L3MBTL4: variants seen among roughly 807,000 people sequenced by gnomAD.
L3MBTL4 encodes L3MBTL histone methyl-lysine binding protein 4.
A neutral mutation model predicts 84.5 loss-of-function variants in L3MBTL4; 70 were observed. The observed-to-expected ratio is 0.83, with a 90% CI of 0.68 to 1.01. The LOEUF is 1.01. Among genes scored for constraint, L3MBTL4 ranks in the 50% least tolerant of loss-of-function variants. The pLI is 0.00. For missense variants in L3MBTL4, 715 were observed against 754.8 expected (o/e 0.95, Z 0.62); for synonymous variants, 274 against 259.8 (o/e 1.05, Z -0.52).
At chr18:6,177,344 T>C (rs1392397081) in intron 12 of L3MBTL4, among the ~76,000 whole-genome samples, 1 of 152,202 alleles carries the variant, frequency 6.6e-6, no homozygotes, top group Admixed American at 6.5e-5. Context: ...AGACTTCATG[T>C]TGAGCAATGA....
At chr18:6,013,428 C>T (rs909281706) in intron 16 of L3MBTL4, among the ~76,000 whole-genome samples, 2 of 152,092 alleles carry the variant, frequency 1.3e-5, no homozygotes, top group Non-Finnish European at 2.9e-5. Flanking sequence ...CAGTTAAATA[C>T]TTCCTTCACT....
intron 1 of L3MBTL4, among the ~76,000 whole-genome samples, chr18:6,372,247 C>T (rs747240862): frequency 5.3e-5 from 8 of 152,186 alleles, no homozygotes; most frequent in Non-Finnish European, 1.0e-4. Context: ...GATGCAAATA[C>T]ACTGCATGCC....
At chr18:6,107,988 G>A (rs1309844281) in intron 14 of L3MBTL4, among the ~76,000 whole-genome samples, 3 of 152,140 alleles carry the variant, frequency 2.0e-5, no homozygotes, top group African/African-American at 4.8e-5. Flanking sequence ...CCCAAAAATC[G>A]CGTGCCATGC....
intron 1 of L3MBTL4, among the ~76,000 whole-genome samples, chr18:6,324,399 G>A (rs1018122568): frequency 2.6e-5 from 4 of 152,208 alleles, no homozygotes; most frequent in Non-Finnish European, 5.9e-5. Flanking sequence ...CGATGCTCCT[G>A]GAAAAGCTGC....
At chr18:6,162,905 G>A (rs924309425) in intron 13 of L3MBTL4, among the ~76,000 whole-genome samples, 16 of 152,212 alleles carry the variant, frequency 1.1e-4, no homozygotes, top group African/African-American at 3.1e-4. Context: ...AAGGTTTTGA[G>A]AGGAAAATGG....
chr18:6,215,450 C>T (rs573388977), intron 11 of L3MBTL4, among the ~76,000 whole-genome samples: 2 of 152,258 alleles, frequency 1.3e-5, no homozygotes, highest in South Asian at 4.1e-4. Context: ...TCTCACTCAG[C>T]AGACTAATAG....
intron 17 of L3MBTL4, among the ~76,000 whole-genome samples, chr18:5,968,696 CTA>C (rs1491491618): frequency 3.5e-5 from 3 of 84,826 alleles, no homozygotes; most frequent in Non-Finnish European, 7.1e-5. Context: ...GACCTTGTCT[CTA>C]AATAAAATAA....
chr18:6,150,771 G>A (rs1430174959), intron 13 of L3MBTL4, among the ~76,000 whole-genome samples: 2 of 152,156 alleles, frequency 1.3e-5, no homozygotes, highest in Non-Finnish European at 2.9e-5. Context: ...CCCCAAGGGA[G>A]CTTCTTGCAA....
At chr18:6,339,180 C>A (rs977467443) in intron 1 of L3MBTL4, among the ~76,000 whole-genome samples, 2 of 152,036 alleles carry the variant, frequency 1.3e-5, no homozygotes, top group African/African-American at 4.8e-5. Context: ...CAACACTGCA[C>A]CAACAAAGAA....
intron 5 of L3MBTL4, among the ~76,000 whole-genome samples, chr18:6,245,234 A>G (rs1599316831): frequency 6.6e-6 from 1 of 152,308 alleles, no homozygotes; most frequent in Middle Eastern, 3.4e-3. Flanking sequence ...ATAGTTTAGA[A>G]GCTCAGTGAT....
chr18:6,021,085 C>T (rs1439469817), intron 16 of L3MBTL4, among the ~76,000 whole-genome samples: 1 of 152,162 alleles, frequency 6.6e-6, no homozygotes, highest in Non-Finnish European at 1.5e-5. Flanking sequence ...AAGTAGATTT[C>T]AAGAAGGTGG....
At chr18:6,128,035 G>C (rs1037663122) in intron 14 of L3MBTL4, among the ~76,000 whole-genome samples, 1 of 142,432 alleles carries the variant, frequency 7.0e-6, no homozygotes, top group South Asian at 2.3e-4. Context: ...ATATTGGGTG[G>C]GGCGGGGGAA....
chr18:5,975,743 ACTGT>A (rs1233865224), intron 16 of L3MBTL4, among the ~76,000 whole-genome samples: 1 of 152,212 alleles, frequency 6.6e-6, no homozygotes, highest in Non-Finnish European at 1.5e-5. Flanking sequence ...GTGCAGGACA[ACTGT>A]CTATTTCCGT....
At chr18:6,160,821 C>G (rs1421571951) in intron 13 of L3MBTL4, among the ~76,000 whole-genome samples, 1 of 151,532 alleles carries the variant, frequency 6.6e-6, no homozygotes, top group East Asian at 1.9e-4. Flanking sequence ...TATCATCTAG[C>G]TTCTCAAACT....
chr18:6,406,482 A>G (rs916720513), intron 1 of L3MBTL4, among the ~76,000 whole-genome samples: 2 of 152,236 alleles, frequency 1.3e-5, no homozygotes, highest in Admixed American at 6.5e-5. Context: ...GAAACATTGC[A>G]TAATACAACC....
chr18:6,205,494 T>C (rs2045834317), intron 12 of L3MBTL4, among the ~76,000 whole-genome samples: 3 of 152,190 alleles, frequency 2.0e-5, no homozygotes, highest in Admixed American at 2.0e-4. Context: ...TGTGCCATGG[T>C]GGTTTGTTGC....
intron 1 of L3MBTL4, among the ~76,000 whole-genome samples, chr18:6,371,759 A>G (rs72864879): frequency 0.012 from 1,883 of 152,350 alleles, 22 homozygotes; most frequent in Middle Eastern, 0.082. Flanking sequence ...CCTATAATAA[A>G]GCAGAAAACC....
chr18:6,031,057 A>G (rs1187967325), intron 16 of L3MBTL4: 31 of 985,316 alleles, frequency 3.1e-5, no homozygotes, highest in Non-Finnish European at 3.5e-5. Flanking sequence ...GCTCCATAAA[A>G]CACTTAATAC....
intron 15 of L3MBTL4, among the ~76,000 whole-genome samples, chr18:6,090,366 T>C (rs956307271): frequency 1.3e-5 from 2 of 152,090 alleles, no homozygotes; most frequent in African/African-American, 2.4e-5. Context: ...AGTGGAGTCA[T>C]ATATTTACTA....
Sources: allele counts gnomAD v4.1 joint callset (sites outside exome capture counted in the v4.1 genomes callset), GRCh38; gene constraint gnomAD v4.1.1; transcripts MANE v1.5; gene names NCBI Gene and HGNC (gene_info 2026-07-23, HGNC 2026-07-21).